The following NTM variants were observed in gnomAD, a reference collection of about 807,000 sequenced individuals.
NTM encodes neurotrimin, also known as IgLON family member 2.
In NTM, 13 loss-of-function variants were observed where a neutral mutation model predicts 42.1. That is an observed-to-expected ratio of 0.31 (90% CI 0.20 to 0.49). The LOEUF (loss-of-function observed/expected upper bound fraction) is 0.49. Among genes scored for constraint, NTM ranks in the 20% least tolerant of loss-of-function variants. The pLI is 0.99. For missense variants in NTM, 373 were observed against 452.8 expected (o/e 0.82, Z 1.60); for synonymous variants, 187 against 179.2 (o/e 1.04, Z -0.35).
intron 2 of NTM, among the ~76,000 whole-genome samples, chr11:132,059,739 C>A (rs1380255466): frequency 6.6e-6 from 1 of 151,772 alleles, no homozygotes; most frequent in Non-Finnish European, 1.5e-5. Context: ...CACACCACCC[C>A]CCATCACCCC....
intron 4 of NTM, among the ~76,000 whole-genome samples, chr11:132,305,198 G>A (rs1218301749): frequency 6.6e-6 from 1 of 152,130 alleles, no homozygotes; most frequent in African/African-American, 2.4e-5. Context: ...TGCAAATCTC[G>A]CTGTGGCCAC....
rs561821241 is a variant in NTM, at chr11:131,437,461, A to G, written c.82+66573A>G. On this transcript the variant is annotated intron_variant, in intron 1 of 8. Transcript: ENST00000683400. ...TCTAAGGACTTGCTTTATGAATCTGAGTGCTCCTGTGTTGGGTGCATATAT... is the reference window on the plus strand; with the variant it reads ...TCTAAGGACTTGCTTTATGAATCTGGGTGCTCCTGTGTTGGGTGCATATAT... Among the ~76,000 whole-genome samples, 18 of 152,188 alleles carry G rather than the reference A, an allele frequency of 1.2e-4. No homozygotes were observed. In the East Asian group the frequency reaches 3.3e-3, roughly 28 times the overall value.
In NTM at chr11:131,627,141, T is replaced by G. The variant is rs534543750; in HGVS notation, c.82+256253T>G. On this transcript the variant is annotated intron_variant, in intron 1 of 8. Transcript: ENST00000683400. ...TAATAATCTCTAATTATCTTGTACCTCGAGTGCCCTGGCTCTCCCAGGTGT... is the reference window on the plus strand; with the variant it reads ...TAATAATCTCTAATTATCTTGTACCGCGAGTGCCCTGGCTCTCCCAGGTGT... Among the ~76,000 whole-genome samples the G allele has an allele frequency of 3.3e-5, 5 of 152,310 alleles. No homozygotes were observed. In the East Asian group the frequency reaches 7.7e-4, roughly 24 times the overall value.
At chr11:131,511,382 A>G (rs2048223563) in intron 1 of NTM, among the ~76,000 whole-genome samples, 1 of 152,204 alleles carries the variant, frequency 6.6e-6, no homozygotes, top group Non-Finnish European at 1.5e-5. Flanking sequence ...TCTGACTGCC[A>G]GAGACCCTCT....
At chr11:131,880,594 T>C (rs1221657445) in intron 1 of NTM, among the ~76,000 whole-genome samples, 1 of 152,176 alleles carries the variant, frequency 6.6e-6, no homozygotes, top group African/African-American at 2.4e-5. Context: ...GACAGAAGCA[T>C]GATAAAGGCA....
In NTM at chr11:131,812,296, T is replaced by C. The variant is rs190408121; in HGVS notation, c.83-99268T>C. Among the ~76,000 whole-genome samples, 102 of 152,116 alleles carry C rather than the reference T, an allele frequency of 6.7e-4. 1 individual carries two copies. Among genetic ancestry groups the C allele is most frequent in the African/African-American group, 2.4e-3 (99 of 41,490 alleles). On this transcript the variant is annotated intron_variant, in intron 1 of 8. Transcript: ENST00000683400. ...TGCCATTATCATATGTGGGCTAATGTCTGTAATATATGAGGGTACGGGGAA... is the reference window on the plus strand; with the variant it reads ...TGCCATTATCATATGTGGGCTAATGCCTGTAATATATGAGGGTACGGGGAA...
At chr11:131,707,793 C>A (rs574379213) in intron 1 of NTM, among the ~76,000 whole-genome samples, 7 of 152,054 alleles carry the variant, frequency 4.6e-5, no homozygotes, top group Admixed American at 1.3e-4. Context: ...ATAAAGGTGA[C>A]AAGTCCATAG....
chr11:131,518,132 G>T (rs1426778496), intron 1 of NTM, among the ~76,000 whole-genome samples: 1 of 152,170 alleles, frequency 6.6e-6, no homozygotes, highest in African/African-American at 2.4e-5. Context: ...TTGATTGAGG[G>T]GCTGGGGAAG....
intron 2 of NTM, among the ~76,000 whole-genome samples, chr11:132,107,820 A>G (rs994965831): frequency 6.6e-6 from 1 of 152,138 alleles, no homozygotes; most frequent in African/African-American, 2.4e-5. Context: ...TAAGCTCTGC[A>G]TGGTGCACTA....
chr11:132,061,329 A>G (rs1490660526), intron 2 of NTM, among the ~76,000 whole-genome samples: 3 of 152,226 alleles, frequency 2.0e-5, no homozygotes, highest in African/African-American at 7.2e-5. Flanking sequence ...GTCTTTATCA[A>G]CACCTTAGGT....
chr11:131,471,474 T>C lies in NTM; in HGVS notation c.82+100586T>C, dbSNP rs192611623. Among the ~76,000 whole-genome samples the C allele has an allele frequency of 3.1e-4, 47 of 152,312 alleles. 1 individual carries two copies. The East Asian group carries it at 7.5e-3, about 24-fold the overall frequency. Reference sequence around the variant, plus strand: ...GAGTTATTTTGTTGTAATAGTTACATGTGCTACTGAGGGATGGTGAGTGTT... The same window carrying C: ...GAGTTATTTTGTTGTAATAGTTACACGTGCTACTGAGGGATGGTGAGTGTT... On this transcript the variant is annotated intron_variant, in intron 1 of 8. Coordinates refer to ENST00000683400, the MANE Select transcript of NTM (RefSeq NM_001352005.2).
intron 1 of NTM, among the ~76,000 whole-genome samples, chr11:131,893,810 T>C (rs1240236194): frequency 6.6e-6 from 1 of 152,174 alleles, no homozygotes; most frequent in Non-Finnish European, 1.5e-5. Context: ...ATGCTCGGCA[T>C]GTGAGATCTG....
intron 3 of NTM, among the ~76,000 whole-genome samples, chr11:132,176,079 T>C (rs990090194): frequency 6.6e-6 from 1 of 152,194 alleles, no homozygotes; most frequent in East Asian, 1.9e-4. Context: ...ATTGAATTAA[T>C]CCATGAAAGA....
intron 2 of NTM, among the ~76,000 whole-genome samples, chr11:131,945,777 C>T (rs896037369): frequency 3.9e-5 from 6 of 152,176 alleles, no homozygotes; most frequent in African/African-American, 1.2e-4. Context: ...CCCAAAGTCT[C>T]ACTTAGAAGA....
At chr11:132,167,084 A>G (rs1455821847) in intron 3 of NTM, among the ~76,000 whole-genome samples, 3 of 151,600 alleles carry the variant, frequency 2.0e-5, no homozygotes, top group African/African-American at 7.3e-5. Context: ...ATCCTATTTT[A>G]CTCTGTTCTA....
intron 1 of NTM, among the ~76,000 whole-genome samples, chr11:131,669,816 G>C (rs1338796330): frequency 6.6e-6 from 1 of 152,222 alleles, no homozygotes; most frequent in Non-Finnish European, 1.5e-5. Flanking sequence ...GTATCCTGCA[G>C]CTCCGTGGTA....
chr11:131,721,138 A>T (rs1275067158), intron 1 of NTM, among the ~76,000 whole-genome samples: 2 of 152,132 alleles, frequency 1.3e-5, no homozygotes, highest in Non-Finnish European at 2.9e-5. Context: ...AAAAAAAAAA[A>T]ATCTCCTGAC....
chr11:132,207,613 G>A (rs1309692077), intron 3 of NTM, among the ~76,000 whole-genome samples: 1 of 152,154 alleles, frequency 6.6e-6, no homozygotes, highest in Non-Finnish European at 1.5e-5. Flanking sequence ...CATGAAACCT[G>A]TCCCTGGTGC....
chr11:131,517,316 G>A (rs939528926), intron 1 of NTM, among the ~76,000 whole-genome samples: 4 of 152,136 alleles, frequency 2.6e-5, no homozygotes, highest in Admixed American at 6.6e-5. Flanking sequence ...AGACTCCAGG[G>A]TCTCTGTACT....
Sources: gnomAD v4.1 joint callset for allele counts (sites outside exome capture counted in the v4.1 genomes callset) on GRCh38, gnomAD v4.1.1 for gene constraint, MANE v1.5 for transcripts, NCBI Gene and HGNC (gene_info 2026-07-23, HGNC 2026-07-21) for gene names.